GGA1: variants seen among roughly 807,000 people sequenced by gnomAD.
The protein encoded by GGA1 is ADP-ribosylation factor-binding protein GGA1.
In GGA1, 18 loss-of-function variants were observed where a neutral mutation model predicts 76.9. The ratio of observed to expected loss-of-function variants is 0.23; its 90% CI spans 0.16 to 0.35. The LOEUF (loss-of-function observed/expected upper bound fraction) is 0.35. GGA1 is among the 10% of genes least tolerant of loss of function. The pLI, the probability that GGA1 is intolerant of heterozygous loss-of-function variation, is 1.00. For missense variants in GGA1, 755 were observed against 859.0 expected (o/e 0.88, Z 1.51); for synonymous variants, 342 against 354.7 (o/e 0.96, Z 0.40).
In GGA1 at chr22:37,624,629, G is replaced by A. The variant is rs1930477996; in HGVS notation, c.833-340G>A. The A allele has an allele frequency of 4.0e-6, 1 of 249,338 alleles. No homozygotes were observed. Among genetic ancestry groups the A allele is most frequent in the Admixed American group, 4.3e-5 (1 of 23,008 alleles). The allele number at this position is 249,338 out of a possible 1,614,324, so 15.4% of individuals were successfully genotyped here. Reference sequence around the variant, plus strand: ...GGGATTTAGGACAGGCCTCCCTGAGGTGAGCCTTGGGTGAAGACCTGAAGG... The same window carrying A: ...GGGATTTAGGACAGGCCTCCCTGAGATGAGCCTTGGGTGAAGACCTGAAGG... On this transcript the variant is annotated intron_variant, in intron 9 of 16. Coordinates refer to ENST00000343632, the MANE Select transcript of GGA1 (RefSeq NM_013365.5). The surrounding 1 kb of genome is among the most constrained non-coding windows in gnomAD (Gnocchi z 4.3).
intron 1 of GGA1, chr22:37,609,136 A>T (rs909917582): frequency 6.8e-7 from 1 of 1,472,082 alleles, no homozygotes; most frequent in Non-Finnish European, 9.0e-7. Context: ...TCCCTGGGCC[A>T]TGACCCCTGG....
intron 1 of GGA1, 142 bp downstream of exon 1, chr22:37,609,045 GC>G: frequency 6.9e-7 from 1 of 1,456,468 alleles, no homozygotes; most frequent in Non-Finnish European, 9.0e-7. Context: ...TCCTCAGTCG[GC>G]CCCTCAGACC....
At chr22:37,619,944 A>G (rs1428806344) in intron 4 of GGA1, 2 of 663,898 alleles carry the variant, frequency 3.0e-6, no homozygotes, top group Non-Finnish European at 5.5e-6. Flanking sequence ...TGTCAAGGCT[A>G]AGTCCCCAGA....
chr22:37,632,179 C>G lies in GGA1; in HGVS notation c.1698+14C>G. On this transcript the variant is annotated intron_variant, in intron 15 of 16. Coordinates refer to ENST00000343632, the MANE Select transcript of GGA1 (RefSeq NM_013365.5). The surrounding 1 kb of genome is among the most constrained non-coding windows in gnomAD (Gnocchi z 5.1). Reference sequence around the variant, plus strand: ...GCTGTCCCCAAGGTGACAAGCCAGTCGGACAGGGCATGCCTCCCTCCTCTC... The same window carrying G: ...GCTGTCCCCAAGGTGACAAGCCAGTGGGACAGGGCATGCCTCCCTCCTCTC... 1 of 1,603,282 alleles carries G rather than the reference C, an allele frequency of 6.2e-7. No individual in the cohort carries two copies. The highest frequency in any genetic ancestry group is 1.1e-5 in the South Asian group (1 of 90,424).
chr22:37,632,447 C>T lies in GGA1; in HGVS notation c.1741C>T (p.Pro581Ser), dbSNP rs1379677852. The T allele has an allele frequency of 6.2e-7, 1 of 1,613,918 alleles. No homozygotes were observed. The highest frequency in any genetic ancestry group is 1.1e-5 in the South Asian group (1 of 91,078). The change falls in exon 16 of 17, where the codon CCA (proline) becomes TCA (serine). Residue 581 changes from proline to serine, a missense_variant. Physicochemically the swap from Pro to Ser is moderately conservative, Grantham distance 74. Transcript: ENST00000343632. This position sits in a 1 kb window ranked among gnomAD's most constrained non-coding sequence, Gnocchi z 5.1. The stretch of plus-strand genomic sequence containing the variant: ...GCAGCCACCCTCGGGCACGGAGCTG[C>T]CAGCTTTTAACCCCATCGTCCACCC... ...KLQPPSGTEL[P>S]AFNPIVHPSA...
intron 6 of GGA1, among the ~76,000 whole-genome samples, 198 bp downstream of exon 6, chr22:37,621,111 A>T (rs371679970): frequency 6.6e-6 from 1 of 152,334 alleles, no homozygotes; most frequent in African/African-American, 2.4e-5. Flanking sequence ...CACATTTAAT[A>T]AACAGGAGTG....
chr22:37,616,773 G>C (rs1928868600), intron 2 of GGA1, 149 bp from the exon 3 acceptor site: 3 of 916,390 alleles, frequency 3.3e-6, no homozygotes, highest in East Asian at 3.1e-5. Context: ...GAGGGCTGAA[G>C]TCTCGGCGGC....
intron 11 of GGA1, chr22:37,627,137 G>C (rs1351034708): frequency 6.6e-6 from 1 of 152,222 alleles, no homozygotes; most frequent in East Asian, 1.9e-4. Flanking sequence ...CTCCAGCCTG[G>C]TTGACAGAGC....
rs753266291 is a variant in GGA1, at chr22:37,616,911, C to G, written c.129-11C>G. The G allele has an allele frequency of 1.3e-6, 2 of 1,598,496 alleles. No homozygotes were observed. Among genetic ancestry groups the G allele is most frequent in the South Asian group, 2.3e-5 (2 of 88,624 alleles). The stretch of plus-strand genomic sequence containing the variant: ...TGGCGACTCTGGCTCTGTGTTGTTC[C>G]TCCCACCCAGGCCTCCACTCGCCAC... On this transcript the variant is annotated splice_polypyrimidine_tract_variant and intron_variant, in intron 2 of 16. Transcript: ENST00000343632.
chr22:37,624,005 A>C lies in GGA1; in HGVS notation c.832+372A>C. On this transcript the variant is annotated intron_variant, in intron 9 of 16. Coordinates refer to ENST00000343632, the MANE Select transcript of GGA1 (RefSeq NM_013365.5). The surrounding 1 kb of genome is among the most constrained non-coding windows in gnomAD (Gnocchi z 4.3). ...ATCTGCCCCCAGACCTTCCTCCCTAATGAGGGTGAATGGAAGCTAAGAGTG... is the reference window on the plus strand; with the variant it reads ...ATCTGCCCCCAGACCTTCCTCCCTACTGAGGGTGAATGGAAGCTAAGAGTG... The C allele has an allele frequency of 4.2e-6, 1 of 239,922 alleles. No homozygotes were observed. Among genetic ancestry groups the C allele is most frequent in the Non-Finnish European group, 8.4e-6 (1 of 119,158 alleles). 14.9% of individuals were successfully genotyped at this position (239,922 alleles called of 1,614,324 possible). A position where few individuals can be genotyped will look rare whatever the true frequency, so the allele number is the denominator to read the frequency against.
chr22:37,632,906 C>T lies in GGA1; in HGVS notation c.*195C>T. On this transcript the variant is annotated 3_prime_UTR_variant, in exon 17 of 17. Transcript: ENST00000343632. The surrounding 1 kb of genome is among the most constrained non-coding windows in gnomAD (Gnocchi z 5.1). ...CGGCCCCGCCCCTGCTGAGCCAAAC[C>T]CAGTAGGAGGCTGGGCCTGGGTTTG... 1 of 581,432 alleles carries T rather than the reference C, an allele frequency of 1.7e-6. No homozygotes were observed. Among genetic ancestry groups the T allele is most frequent in the Non-Finnish European group, 3.1e-6 (1 of 324,142 alleles). 36.0% of individuals were successfully genotyped at this position (581,432 alleles called of 1,614,324 possible). A position where few individuals can be genotyped will look rare whatever the true frequency, so the allele number is the denominator to read the frequency against.
chr22:37,615,634 T>A (rs1928627567), intron 2 of GGA1, among the ~76,000 whole-genome samples: 1 of 134,054 alleles, frequency 7.5e-6, no homozygotes, highest in Non-Finnish European at 1.6e-5. Flanking sequence ...AGCGGTGGTG[T>A]GCGCCTGTAG....
At chr22:37,611,802 A>C (rs554182522) in intron 1 of GGA1, among the ~76,000 whole-genome samples, 71 of 152,348 alleles carry the variant, frequency 4.7e-4, no homozygotes, top group Non-Finnish European at 8.8e-5. Context: ...AGAAATGAAG[A>C]TCGAGCTCTG....
rs750940985 is a variant in GGA1, at chr22:37,631,989, C to G, written c.1529-7C>G. 3.1e-6 allele frequency: 5 copies of G among 1,598,908 alleles called. No individual in the cohort carries two copies. The highest frequency in any genetic ancestry group is 4.3e-6 in the Non-Finnish European group (5 of 1,170,054). The stretch of plus-strand genomic sequence containing the variant: ...CTGTCCCATCGCCCTCCCACCTTCT[C>G]CCACAGGCAACATCCTGCCCGTGAC... On this transcript the variant is annotated splice_region_variant and splice_polypyrimidine_tract_variant and intron_variant, in intron 14 of 16. Transcript: ENST00000343632.
chr22:37,629,985 C>CT lies in GGA1; in HGVS notation c.1159-9dup. On this transcript the variant is annotated splice_polypyrimidine_tract_variant and intron_variant, in intron 12 of 16. Transcript: ENST00000343632. The stretch of plus-strand genomic sequence containing the variant: ...TAGACAGCCCCACCCCACCTGCATC[C>CT]TTTTCCCCACAGTCGTCGGATGCCA... 1 of 1,537,250 alleles carries CT rather than the reference C, an allele frequency of 6.5e-7. No individual in the cohort carries two copies. Among genetic ancestry groups the CT allele is most frequent in the Non-Finnish European group, 8.8e-7 (1 of 1,138,302 alleles).
chr22:37,629,331 T>C (rs981572956), intron 11 of GGA1, 131 bp from the exon 12 acceptor site: 11 of 626,208 alleles, frequency 1.8e-5, no homozygotes, highest in Non-Finnish European at 3.1e-5. Flanking sequence ...TCTGAAAATG[T>C]GGGTTTCTCC....
In GGA1 at chr22:37,621,597, C is replaced by T. The variant is rs937350026; in HGVS notation, c.529-19C>T. On this transcript the variant is annotated intron_variant, in intron 6 of 16. Transcript: ENST00000343632. The stretch of plus-strand genomic sequence containing the variant: ...GGCCCAGGTGCTGCCCTCACGGTCA[C>T]ACCCCTCTGTCTCTGCAGATGCTGG... 1.3e-6 allele frequency: 2 copies of T among 1,534,394 alleles called. No homozygotes were observed. The highest frequency in any genetic ancestry group is 1.2e-5 in the South Asian group (1 of 83,696).
Position 37,625,651 on chromosome 22 carries a change from G to C in GGA1, c.941-146G>C, listed in dbSNP as rs531002773. The C allele has an allele frequency of 2.1e-4, 110 of 529,282 alleles. No individual in the cohort carries two copies. The highest frequency in any genetic ancestry group is 2.0e-3 in the African/African-American group (104 of 52,410). 32.8% of individuals were successfully genotyped at this position (529,282 alleles called of 1,614,324 possible). A position where few individuals can be genotyped will look rare whatever the true frequency, so the allele number is the denominator to read the frequency against. On this transcript the variant is annotated intron_variant, in intron 10 of 16. Transcript: ENST00000343632. This position sits in a 1 kb window ranked among gnomAD's most constrained non-coding sequence, Gnocchi z 4.1. ...GAGAGGTCCTGTTGAGCAGTTTCCA[G>C]GCAGGGGCTGGTGTGGCCAAGGAAG...
chr22:37,612,155 C>CA lies in GGA1; in HGVS notation c.44-2026dup, dbSNP rs894226449. ...TGGGCAACAAAGCAAGACTCTTTCTCAAAAAAAAATAAAAATAAAAAAATA... is the reference window on the plus strand; with the variant it reads ...TGGGCAACAAAGCAAGACTCTTTCTCAAAAAAAAAATAAAAATAAAAAAATA... On this transcript the variant is annotated intron_variant, in intron 1 of 16. Transcript: ENST00000343632. 2.7e-4 allele frequency among the ~76,000 whole-genome samples: 40 copies of CA among 147,282 alleles called. 1 individual carries two copies. Among genetic ancestry groups the CA allele is most frequent in the East Asian group, 1.2e-3 (6 of 5,050 alleles).
Sources: gnomAD v4.1 joint callset for allele counts (sites outside exome capture counted in the v4.1 genomes callset) on GRCh38, gnomAD v4.1.1 for gene constraint, Gnocchi (gnomAD v3.1) non-coding constraint, MANE v1.5 for transcripts, NCBI Gene and HGNC (gene_info 2026-07-23, HGNC 2026-07-21) for gene names.